Variants in AKT3 observed in about 807,000 individuals in gnomAD.
AKT3 encodes RAC-gamma serine/threonine-protein kinase.
Under a neutral mutation model 65.3 loss-of-function variants are expected in AKT3, and 15 were observed. The ratio of observed to expected loss-of-function variants is 0.23; its 90% CI spans 0.15 to 0.35. The LOEUF (loss-of-function observed/expected upper bound fraction) is 0.35, where lower values mean the gene tolerates loss of function less well. AKT3 is among the 10% of genes least tolerant of loss of function. The pLI, the probability that AKT3 is intolerant of heterozygous loss-of-function variation, is 1.00. For missense variants in AKT3, 243 were observed against 576.5 expected (o/e 0.42, Z 5.92); for synonymous variants, 206 against 183.8 (o/e 1.12, Z -0.98).
At chr1:243,697,324 T>C (rs190174533) in intron 2 of AKT3, among the ~76,000 whole-genome samples, 7 of 152,088 alleles carry the variant, frequency 4.6e-5, no homozygotes, top group Non-Finnish European at 7.4e-5. Flanking sequence ...GTTCCTGCCT[T>C]CAACATCCTG....
At chr1:243,664,958 G>A in intron 3 of AKT3, 75 bp from the exon 4 acceptor site, 1 of 799,964 alleles carries the variant, frequency 1.3e-6, no homozygotes, top group Non-Finnish European at 1.8e-6. Context: ...GAACTACAGA[G>A]TTCTATTTTA....
chr1:243,658,754 G>A (rs1400789149), intron 4 of AKT3, among the ~76,000 whole-genome samples: 2 of 150,968 alleles, frequency 1.3e-5, no homozygotes, highest in Non-Finnish European at 1.5e-5. Flanking sequence ...TAAAGAAAAT[G>A]TATTGGCCGG....
chr1:243,582,311 A>G (rs1265391252), intron 8 of AKT3, among the ~76,000 whole-genome samples: 1 of 151,926 alleles, frequency 6.6e-6, no homozygotes, highest in Non-Finnish European at 1.5e-5. Flanking sequence ...TCCAAGGTCA[A>G]CACTAAAGAA....
chr1:243,615,007 G>T, intron 7 of AKT3, 89 bp downstream of exon 7: 1 of 934,186 alleles, frequency 1.1e-6, no homozygotes, highest in South Asian at 1.5e-5. Flanking sequence ...ATATCTAAAT[G>T]AATAGTATTT....
At chr1:243,595,737 G>A (rs1676563026) in intron 8 of AKT3, among the ~76,000 whole-genome samples, 2 of 152,046 alleles carry the variant, frequency 1.3e-5, no homozygotes, top group Admixed American at 6.5e-5. Context: ...AAGGTCTTTC[G>A]GAGCAGGCAT....
chr1:243,792,367 A>ATCTCCT (rs1691686678), intron 2 of AKT3, among the ~76,000 whole-genome samples: 1 of 152,228 alleles, frequency 6.6e-6, no homozygotes, highest in African/African-American at 2.4e-5. Flanking sequence ...GATAAAAGTC[A>ATCTCCT]GCAAAAGAGA....
intron 12 of AKT3, among the ~76,000 whole-genome samples, chr1:243,524,115 A>T (rs1670895806): frequency 6.6e-6 from 1 of 152,260 alleles, no homozygotes; most frequent in Non-Finnish European, 1.5e-5. Flanking sequence ...CACAATGGTA[A>T]GTATTTGTGT....
intron 2 of AKT3, among the ~76,000 whole-genome samples, chr1:243,718,307 T>C (rs1306229461): frequency 6.6e-6 from 1 of 152,212 alleles, no homozygotes; most frequent in Non-Finnish European, 1.5e-5. Context: ...GCATTCTCTG[T>C]ATCGTTACTT....
intron 4 of AKT3, among the ~76,000 whole-genome samples, chr1:243,662,630 G>C (rs1230414608): frequency 6.6e-6 from 1 of 151,240 alleles, no homozygotes; most frequent in African/African-American, 2.4e-5. Flanking sequence ...TGGGTGCAGC[G>C]CACCAGCATG....
At chr1:243,630,572 G>C (rs1167944893) in intron 6 of AKT3, among the ~76,000 whole-genome samples, 2 of 152,100 alleles carry the variant, frequency 1.3e-5, no homozygotes, top group Non-Finnish European at 2.9e-5. Context: ...TTGTATTTCT[G>C]TCCTCTAGGC....
chr1:243,604,733 A>T (rs1284982236), intron 8 of AKT3, among the ~76,000 whole-genome samples: 1 of 152,174 alleles, frequency 6.6e-6, no homozygotes, highest in African/African-American at 2.4e-5. Context: ...ACTGCAGTGT[A>T]TACAAGTATT....
At chr1:243,511,172 G>A (rs1407537649) in intron 13 of AKT3, among the ~76,000 whole-genome samples, 1 of 152,238 alleles carries the variant, frequency 6.6e-6, no homozygotes, top group Non-Finnish European at 1.5e-5. Context: ...CTGGACATCG[G>A]TCAAGTTGGT....
In AKT3 at chr1:243,760,491, T is replaced by G. The variant is rs138192650; in HGVS notation, c.47-64775A>C. ...CCCAGCTAACATATTTAATCTTCAT[T>G]ATTCATGGATTCTGTATTTGCAAAT... is the stretch of plus-strand genomic sequence containing the variant. On this transcript the variant is annotated intron_variant, in intron 2 of 13. Coordinates refer to ENST00000673466, the MANE Select transcript of AKT3 (RefSeq NM_005465.7). Among the ~76,000 whole-genome samples, 722 of 152,152 alleles carry G rather than the reference T, an allele frequency of 4.7e-3. 8 individuals are homozygous for G. The highest frequency in any genetic ancestry group is 0.017 in the African/African-American group (687 of 41,524).
chr1:243,606,957 T>C (rs928959452), intron 8 of AKT3, among the ~76,000 whole-genome samples: 2 of 152,214 alleles, frequency 1.3e-5, no homozygotes, highest in South Asian at 2.1e-4. Flanking sequence ...GCCCCAAGCA[T>C]TGGCAGCTTC....
chr1:243,683,065 T>C (rs1331135139), intron 3 of AKT3, among the ~76,000 whole-genome samples: 3 of 152,118 alleles, frequency 2.0e-5, no homozygotes, highest in African/African-American at 7.2e-5. Context: ...AATAAGAAAA[T>C]GAACACAAAA....
intron 10 of AKT3, among the ~76,000 whole-genome samples, chr1:243,553,150 C>T (rs1459520603): frequency 1.3e-5 from 2 of 151,124 alleles, no homozygotes; most frequent in African/African-American, 4.9e-5. Context: ...CCACAAATGG[C>T]CAGTGTACAA....
chr1:243,527,728 T>C (rs1671204836), intron 12 of AKT3, among the ~76,000 whole-genome samples: 1 of 152,138 alleles, frequency 6.6e-6, no homozygotes, highest in South Asian at 2.1e-4. Flanking sequence ...GCAGAACTTC[T>C]GCCATAAAGA....
At chr1:243,580,670 T>C (rs1675272406) in intron 8 of AKT3, among the ~76,000 whole-genome samples, 1 of 152,202 alleles carries the variant, frequency 6.6e-6, no homozygotes, top group Non-Finnish European at 1.5e-5. Context: ...CAGTTTCTCC[T>C]GGGCTGCAAA....
intron 2 of AKT3, among the ~76,000 whole-genome samples, chr1:243,721,988 C>T (rs888492826): frequency 6.6e-6 from 1 of 152,010 alleles, no homozygotes; most frequent in African/African-American, 2.4e-5. Flanking sequence ...ATTTAAATTT[C>T]TACATATTAT....
Sources: allele counts gnomAD v4.1 joint callset (sites outside exome capture counted in the v4.1 genomes callset), GRCh38; gene constraint gnomAD v4.1.1; transcripts MANE v1.5; gene names NCBI Gene and HGNC (gene_info 2026-07-23, HGNC 2026-07-21).